PACS2: variants seen among roughly 807,000 people sequenced by gnomAD.
PACS2 encodes the protein PACS1-like protein.
A neutral mutation model predicts 113.0 loss-of-function variants in PACS2; 36 were observed. That is an observed-to-expected ratio of 0.32 (90% CI 0.24 to 0.42). PACS2 has a LOEUF of 0.42. PACS2 is among the 10% of genes least tolerant of loss of function. The pLI is 1.00. For synonymous variants in PACS2, 589 were observed against 536.1 expected (o/e 1.10, Z -1.36); for missense variants, 1,015 against 1,239.5 (o/e 0.82, Z 2.72).
intron 16 of PACS2, chr14:105,383,909 G>A (rs587702741): frequency 1.5e-5 from 4 of 273,698 alleles, no homozygotes; most frequent in South Asian, 1.1e-4. Context: ...CTCTCAAATC[G>A]TCCAGGTCCT....
At position 105,382,849 on chromosome 14, in the gene PACS2, T is replaced by A; in HGVS notation, c.1561T>A (p.Cys521Ser). 6.2e-7 allele frequency: 1 copy of A among 1,607,638 alleles called. No homozygotes were observed. Among genetic ancestry groups the A allele is most frequent in the Non-Finnish European group, 8.5e-7 (1 of 1,179,474 alleles). The stretch of plus-strand genomic sequence containing the variant: ...GCAGAGGCACACGCTCCCCGTGGTG[T>A]GCACGTGCTCTCCTGCGGACGTCCA... ...VLQRHTLPVVCTCSPADVQAA... is the reference protein window; with the variant it reads ...VLQRHTLPVVSTCSPADVQAA... Residue 521 changes from cysteine to serine, a missense_variant, in exon 15 of 25, where the codon TGC becomes AGC. Around this residue, in one of 3 missense-constraint regions of PACS2, gnomAD observed 859 missense variants for 1,056.8 expected, o/e 0.81. Transcript: ENST00000447393.
At position 105,317,113 on chromosome 14, in the gene PACS2, C is replaced by G. The variant is rs913324208; in HGVS notation, c.119+2076C>G. On this transcript the variant is annotated intron_variant, in intron 1 of 24. Coordinates refer to ENST00000447393, the MANE Select transcript of PACS2 (RefSeq NM_001100913.3). This position sits in a 1 kb window ranked among gnomAD's most constrained non-coding sequence, Gnocchi z 4.2. The stretch of plus-strand genomic sequence containing the variant: ...TGTTCCTCCTGAGTTCTTCTGTACT[C>G]CTCACTTTTGCCCAGCCATGAAGCT... 6.6e-6 allele frequency among the ~76,000 whole-genome samples: 1 copy of G among 152,216 alleles called. No individual in the cohort carries two copies. Among genetic ancestry groups the G allele is most frequent in the Non-Finnish European group, 1.5e-5 (1 of 68,046 alleles).
chr14:105,371,978 G>A (rs781784366), intron 8 of PACS2: 9 of 152,214 alleles, frequency 5.9e-5, no homozygotes, highest in South Asian at 2.1e-4. Flanking sequence ...CCTATTCAGC[G>A]GGCAGAGCTC....
At chr14:105,380,035 C>G in intron 10 of PACS2, 45 bp from the exon 11 acceptor site, 1 of 1,515,164 alleles carries the variant, frequency 6.6e-7, no homozygotes. Context: ...AGCGCCTTGG[C>G]ACCTGCAGTT....
rs187220193 is a variant in PACS2 at position 105,330,226 on chromosome 14, C to A, written c.119+15189C>A. Among the ~76,000 whole-genome samples, 2 of 61,068 alleles carry A rather than the reference C, an allele frequency of 3.3e-5. No homozygotes were observed. The highest frequency in any genetic ancestry group is 6.9e-5 in the African/African-American group (1 of 14,434). The allele number at this position is 61,068 out of a possible 152,430, so 40.1% of individuals were successfully genotyped here. On this transcript the variant is annotated intron_variant, in intron 1 of 24. Coordinates refer to ENST00000447393, the MANE Select transcript of PACS2 (RefSeq NM_001100913.3). The surrounding 1 kb of genome is among the most constrained non-coding windows in gnomAD (Gnocchi z 6.9). ...AGAAGCCTGGGGTCCGTGTGTGGGA[C>A]GGAACGGGGACAGGGAGCCTCCGAG...
At chr14:105,310,713 C>T (rs1040176289), upstream of PACS2, among the ~76,000 whole-genome samples, 86 of 152,126 alleles carry the variant, frequency 5.7e-4, 1 homozygote, top group Admixed American at 5.5e-3. Context: ...GCAGCTCACC[C>T]TGCTGTGGTT....
chr14:105,369,960 G>T lies in PACS2; in HGVS notation c.801+60G>T, dbSNP rs2061090379. 2.1e-6 allele frequency: 3 copies of T among 1,431,258 alleles called. No individual in the cohort carries two copies. In the Admixed American group the frequency reaches 5.7e-5, roughly 27 times the overall value. 88.7% of individuals were successfully genotyped at this position (1,431,258 alleles called of 1,614,324 possible). ...CGCCTGCAACAGCACCTGGTCGGGA[G>T]GAGGCCTCTGGGGTCTGTCTCCGGG... On this transcript the variant is annotated intron_variant, in intron 8 of 24. Transcript: ENST00000447393.
rs2141004285 is a variant in PACS2, at chr14:105,348,480, C to T, written c.120-13C>T. On this transcript the variant is annotated splice_polypyrimidine_tract_variant and intron_variant, in intron 1 of 24. Coordinates refer to ENST00000447393, the MANE Select transcript of PACS2 (RefSeq NM_001100913.3). The surrounding 1 kb of genome is among the most constrained non-coding windows in gnomAD (Gnocchi z 6.4). ...GGCGGAGCCCCGAGGCTGAGCTGTGCCTTGCCTCACAGGTTGTGCAGCCTG... is the reference window on the plus strand; with the variant it reads ...GGCGGAGCCCCGAGGCTGAGCTGTGTCTTGCCTCACAGGTTGTGCAGCCTG... The T allele has an allele frequency of 6.2e-7, 1 of 1,603,882 alleles. No individual in the cohort carries two copies. The highest frequency in any genetic ancestry group is 1.1e-5 in the South Asian group (1 of 90,886).
In PACS2 at chr14:105,315,041, C is replaced by G; in HGVS notation, c.119+4C>G. The G allele has an allele frequency of 8.5e-7, 1 of 1,176,624 alleles. No homozygotes were observed. The highest frequency in any genetic ancestry group is 5.0e-5 in the East Asian group (1 of 19,866). 72.9% of individuals were successfully genotyped at this position (1,176,624 alleles called of 1,614,324 possible). A position where few individuals can be genotyped will look rare whatever the true frequency, so the allele number is the denominator to read the frequency against. On this transcript the variant is annotated splice_donor_region_variant and intron_variant, in intron 1 of 24. Coordinates refer to ENST00000447393, the MANE Select transcript of PACS2 (RefSeq NM_001100913.3). This position sits in a 1 kb window ranked among gnomAD's most constrained non-coding sequence, Gnocchi z 4.4. ...CCAGCCCCAGCTGCGTGCCCAGGTA[C>G]GCGCCGCCCGCCGCGCTTTGTTCCC...
chr14:105,362,243 A>T (rs7160904), intron 4 of PACS2, among the ~76,000 whole-genome samples: 28 of 150,230 alleles, frequency 1.9e-4, no homozygotes, highest in South Asian at 1.0e-3. Flanking sequence ...ACAGTGAAAC[A>T]CCGTCTCTAC....
intron 1 of PACS2, among the ~76,000 whole-genome samples, chr14:105,327,910 G>A (rs958530149): frequency 9.2e-5 from 14 of 151,978 alleles, no homozygotes; most frequent in Admixed American, 5.2e-4. Context: ...CAGGCCACCC[G>A]AGGGGCCATT....
chr14:105,356,430 G>A lies in PACS2; in HGVS notation c.423+1253G>A, dbSNP rs185455591. On this transcript the variant is annotated intron_variant, in intron 4 of 24. Transcript: ENST00000447393. This position sits in a 1 kb window ranked among gnomAD's most constrained non-coding sequence, Gnocchi z 4.0. ...TCCTTCGGCAAACCACGGACAGCAC[G>A]GGTGGACCGGGCCTCCAGGCTGCAC... is the stretch of plus-strand genomic sequence containing the variant. 8.5e-5 allele frequency among the ~76,000 whole-genome samples: 13 copies of A among 152,284 alleles called. No individual in the cohort carries two copies. Among genetic ancestry groups the A allele is most frequent in the Admixed American group, 7.8e-4 (12 of 15,302 alleles).
chr14:105,382,168 A>G (rs2081017736), intron 13 of PACS2, 110 bp downstream of exon 13: 2 of 1,236,984 alleles, frequency 1.6e-6, no homozygotes, highest in Non-Finnish European at 2.2e-6. Flanking sequence ...GCTGGGCCAC[A>G]GAGCATGCCT....
At chr14:105,322,229 C>G (rs1595565773) in intron 1 of PACS2, among the ~76,000 whole-genome samples, 1 of 151,774 alleles carries the variant, frequency 6.6e-6, no homozygotes, top group East Asian at 1.9e-4. Flanking sequence ...GCCTCTGTGC[C>G]CGGCCTTTTT....
At chr14:105,364,172 C>T (rs368616928) in intron 4 of PACS2, among the ~76,000 whole-genome samples, 2 of 152,210 alleles carry the variant, frequency 1.3e-5, no homozygotes, top group African/African-American at 2.4e-5. Flanking sequence ...GGAAAAGTGG[C>T]GCTGATAGAC....
Position 105,380,166 on chromosome 14 carries a change from T to G in PACS2, c.1125+12T>G. 1 of 1,548,946 alleles carries G rather than the reference T, an allele frequency of 6.5e-7. No homozygotes were observed. Among genetic ancestry groups the G allele is most frequent in the Non-Finnish European group, 8.7e-7 (1 of 1,145,506 alleles). Reference sequence around the variant, plus strand: ...ACACGGTGGCCCTCGTAAGCAGGCTTGGGCCGCACCCACCCGTTCCACACA... The same window carrying G: ...ACACGGTGGCCCTCGTAAGCAGGCTGGGGCCGCACCCACCCGTTCCACACA... On this transcript the variant is annotated intron_variant, in intron 11 of 24. Coordinates refer to ENST00000447393, the MANE Select transcript of PACS2 (RefSeq NM_001100913.3).
chr14:105,365,720 G>T lies in PACS2; in HGVS notation c.424-1493G>T, dbSNP rs1390074903. 6.6e-6 allele frequency among the ~76,000 whole-genome samples: 1 copy of T among 152,174 alleles called. No homozygotes were observed. The highest frequency in any genetic ancestry group is 1.5e-5 in the Non-Finnish European group (1 of 68,022). On this transcript the variant is annotated intron_variant, in intron 4 of 24. Transcript: ENST00000447393. This position sits in a 1 kb window ranked among gnomAD's most constrained non-coding sequence, Gnocchi z 5.1. Reference sequence around the variant, plus strand: ...TGAGCTCATTTTACTGGGATCCCCAGCAAGGGCTCAGCATTTCTGACCGAG... The same window carrying T: ...TGAGCTCATTTTACTGGGATCCCCATCAAGGGCTCAGCATTTCTGACCGAG...
intron 4 of PACS2, among the ~76,000 whole-genome samples, chr14:105,362,188 G>GAGA (rs2060719216): frequency 6.6e-6 from 1 of 151,786 alleles, no homozygotes; most frequent in Admixed American, 6.6e-5. Flanking sequence ...GGAGGCCACG[G>GAGA]TGGGCGGATC....
rs1555411421 is a variant in PACS2, at chr14:105,379,735, C to T, written c.960-4C>T. The T allele has an allele frequency of 1.9e-6, 3 of 1,612,326 alleles. No individual in the cohort carries two copies. The highest frequency in any genetic ancestry group is 2.2e-5 in the East Asian group (1 of 44,868). On this transcript the variant is annotated splice_region_variant and splice_polypyrimidine_tract_variant and intron_variant, in intron 9 of 24. Coordinates refer to ENST00000447393, the MANE Select transcript of PACS2 (RefSeq NM_001100913.3). ...GTGTCCCCCACCCCTGTTCCCTGAG[C>T]CAGGCCATACTTTGAAGGCCTGTCG...
Sources: gnomAD v4.1 joint callset for allele counts (sites outside exome capture counted in the v4.1 genomes callset) on GRCh38, gnomAD v4.1.1 for gene constraint, gnomAD v4.1.1 regional missense constraint, Gnocchi (gnomAD v3.1) non-coding constraint, MANE v1.5 for transcripts, NCBI Gene and HGNC (gene_info 2026-07-23, HGNC 2026-07-21) for gene names.